Variants in SENP1 observed in about 807,000 individuals in gnomAD.
SENP1 encodes sentrin-specific protease 1.
SENP1 carries 21 observed loss-of-function variants against 93.0 expected under a neutral mutation model. That is an observed-to-expected ratio of 0.23 (90% CI 0.16 to 0.33). The LOEUF (loss-of-function observed/expected upper bound fraction) is 0.33, where lower values mean the gene tolerates loss of function less well. Ranked by LOEUF, SENP1 falls within the 10% of genes least tolerant of loss-of-function variation. SENP1 has a pLI of 1.00. For synonymous variants in SENP1, 256 were observed against 259.6 expected (o/e 0.99, Z 0.13); for missense variants, 591 against 758.7 (o/e 0.78, Z 2.60).
At chr12:48,081,431 G>C (rs1057327470) in intron 6 of SENP1, 1 of 151,746 alleles carries the variant, frequency 6.6e-6, no homozygotes, top group African/African-American at 2.4e-5. Context: ...AAATTTTTTT[G>C]TTAAAAAAAA....
intron 13 of SENP1, among the ~76,000 whole-genome samples, chr12:48,053,200 G>C (rs920058553): frequency 6.6e-6 from 1 of 152,098 alleles, no homozygotes; most frequent in South Asian, 2.1e-4. Flanking sequence ...ACAAAGCTGG[G>C]TGTGGGCTCC....
At chr12:48,067,809 A>G (rs959291513) in intron 9 of SENP1, among the ~76,000 whole-genome samples, 1 of 144,130 alleles carries the variant, frequency 6.9e-6, no homozygotes, top group African/African-American at 2.5e-5. Flanking sequence ...TCTGTCTCTT[A>G]AAAAAAAAAA....
Position 48,069,152 on chromosome 12 carries a change from CAAAAAAAAAAAAAAA to C in SENP1, c.996-2202_996-2188del, listed in dbSNP as rs10564674. ...TGGATGATAGAGCAAGACTCTGTCA[CAAAAAAAAAAAAAAA>C]AAAAAAAAAAAGAAAGAAAGAAAAG... On this transcript the variant is annotated intron_variant, in intron 9 of 17. Transcript: ENST00000549518. Among the ~76,000 whole-genome samples, 6 of 76,338 alleles carry C rather than the reference CAAAAAAAAAAAAAAA, an allele frequency of 7.9e-5. No homozygotes were observed. The East Asian group carries it at 1.8e-3, about 23-fold the overall frequency. 50.1% of individuals were successfully genotyped at this position (76,338 alleles called of 152,430 possible). A position where few individuals can be genotyped will look rare whatever the true frequency, so the allele number is the denominator to read the frequency against.
chr12:48,048,431 T>C (rs1457307216), intron 14 of SENP1, among the ~76,000 whole-genome samples: 1 of 152,206 alleles, frequency 6.6e-6, no homozygotes, highest in Admixed American at 6.5e-5. Flanking sequence ...TTCAGAAAGA[T>C]GGTGAGCAGA....
intron 1 of SENP1, among the ~76,000 whole-genome samples, chr12:48,103,079 C>T (rs116753011): frequency 1.3e-5 from 2 of 152,070 alleles, no homozygotes; most frequent in South Asian, 4.1e-4. Context: ...ATATTAGCAA[C>T]ACTTTTTTGA....
At chr12:48,048,686 G>T (rs1269897803) in intron 14 of SENP1, among the ~76,000 whole-genome samples, 1 of 152,122 alleles carries the variant, frequency 6.6e-6, no homozygotes, top group East Asian at 1.9e-4. Context: ...CTTTAAGGCT[G>T]CTTAGACACC....
chr12:48,051,434 C>T (rs532928145), intron 13 of SENP1, among the ~76,000 whole-genome samples: 1 of 152,256 alleles, frequency 6.6e-6, no homozygotes, highest in South Asian at 2.1e-4. Flanking sequence ...CCCCTAGATC[C>T]CAGTAGAAGG....
At chr12:48,092,913 A>T (rs76261711) in intron 4 of SENP1, among the ~76,000 whole-genome samples, 8,957 of 152,304 alleles carry the variant, frequency 0.059, 353 homozygotes, top group Non-Finnish European at 0.093. Context: ...ACTTAGGAGA[A>T]AAAAAGCTCT....
intron 14 of SENP1, among the ~76,000 whole-genome samples, chr12:48,048,308 T>C (rs1941530079): frequency 6.6e-6 from 1 of 152,214 alleles, no homozygotes; most frequent in South Asian, 2.1e-4. Context: ...ATTATTGCTG[T>C]GAAGCCTTTT....
intron 9 of SENP1, among the ~76,000 whole-genome samples, chr12:48,069,445 AC>A (rs1943530654): frequency 6.6e-6 from 1 of 152,066 alleles, no homozygotes; most frequent in African/African-American, 2.4e-5. Context: ...TACCCAACAG[AC>A]CATTTCTCCT....
intron 1 of SENP1, among the ~76,000 whole-genome samples, chr12:48,104,281 AGG>A (rs1946264098): frequency 1.6e-5 from 1 of 62,032 alleles, no homozygotes; most frequent in African/African-American, 5.6e-5. Context: ...GGGCGGAGGG[AGG>A]GAGAGAGAGA....
intron 13 of SENP1, among the ~76,000 whole-genome samples, chr12:48,057,281 G>C (rs373858720): frequency 6.8e-6 from 1 of 146,760 alleles, no homozygotes; most frequent in Non-Finnish European, 1.5e-5. Flanking sequence ...CCAGGTTGGA[G>C]TGCAGTGGTG....
chr12:48,080,315 G>A (rs1224440849), intron 6 of SENP1: 4 of 152,230 alleles, frequency 2.6e-5, no homozygotes, highest in African/African-American at 9.6e-5. Flanking sequence ...CTTGTGGCTA[G>A]CCGTTACCCT....
intron 16 of SENP1, 27 bp from the exon 17 acceptor site, chr12:48,046,478 A>T (rs376016811): frequency 2.8e-6 from 4 of 1,427,976 alleles, no homozygotes; most frequent in Non-Finnish European, 4.0e-6. Context: ...AAAAAAAATG[A>T]CATCTTTCCA....
intron 16 of SENP1, 124 bp from the exon 17 acceptor site, chr12:48,046,575 C>T: frequency 1.4e-6 from 1 of 717,668 alleles, no homozygotes; most frequent in Non-Finnish European, 2.4e-6. Flanking sequence ...TGACTCTGGC[C>T]CCCCAGTCAG....
rs574183996 is a variant in SENP1 at position 48,069,149 on chromosome 12, T to A, written c.996-2184A>T. Reference sequence around the variant, plus strand: ...GCCTGGATGATAGAGCAAGACTCTGTCACAAAAAAAAAAAAAAAAAAAAAA... The same window carrying A: ...GCCTGGATGATAGAGCAAGACTCTGACACAAAAAAAAAAAAAAAAAAAAAA... On this transcript the variant is annotated intron_variant, in intron 9 of 17. Coordinates refer to ENST00000549518, the MANE Select transcript of SENP1 (RefSeq NM_001267594.2). Among the ~76,000 whole-genome samples, 13 of 38,154 alleles carry A rather than the reference T, an allele frequency of 3.4e-4. No homozygotes were observed. The South Asian group carries it at 4.8e-3, about 14-fold the overall frequency. The allele number at this position is 38,154 out of a possible 152,430, so 25.0% of individuals were successfully genotyped here.
Position 48,065,174 on chromosome 12 carries a change from T to C in SENP1, c.1166A>G (p.His389Arg), listed in dbSNP as rs777583203. 2.5e-6 allele frequency: 4 copies of C among 1,610,658 alleles called. No homozygotes were observed. In the South Asian group the frequency reaches 3.3e-5, roughly 13 times the overall value. The change falls in exon 12 of 18, where the codon CAT becomes CGT. Residue 389 changes from histidine to arginine, a missense_variant. Around this residue, in one of 4 missense-constraint regions of SENP1, gnomAD observed 238 missense variants for 259.1 expected, o/e 0.92. Transcript: ENST00000549518. ...EHSVHDSVEL[H>R]LRVPLEKEIP... The stretch of plus-strand genomic sequence containing the variant: ...CTCCTTTTCAAGAGGTACACGAAGA[T>C]GTAGTTCTACTGAATCATGTACTGA...
chr12:48,074,516 T>C lies in SENP1; in HGVS notation c.748A>G (p.Thr250Ala). The C allele has an allele frequency of 1.2e-6, 2 of 1,613,932 alleles. No individual in the cohort carries two copies. Among genetic ancestry groups the C allele is most frequent in the Non-Finnish European group, 1.7e-6 (2 of 1,179,826 alleles). ...SCASQIIGSD[T>A]SSSGSASILT... is the part of the protein sequence containing the mutation. ...ATGCTGGCAGATCCAGATGATGAAG[T>C]ATCAGAGCCAATGATCTGAGATGCA... The change falls in exon 8 of 18, where the codon ACT becomes GCT. Residue 250 changes from threonine to alanine, a missense_variant. By Grantham distance (58) the Thr-to-Ala change is moderately conservative. Around this residue, in one of 4 missense-constraint regions of SENP1, gnomAD observed 238 missense variants for 259.1 expected, o/e 0.92. Coordinates refer to ENST00000549518, the MANE Select transcript of SENP1 (RefSeq NM_001267594.2).
At chr12:48,070,983 C>T (rs1943653303) in intron 9 of SENP1, among the ~76,000 whole-genome samples, 2 of 152,136 alleles carry the variant, frequency 1.3e-5, no homozygotes, top group Admixed American at 1.3e-4. Context: ...GTGGTCCCAG[C>T]TGAGGCAAGA....
Sources: allele counts gnomAD v4.1 joint callset (sites outside exome capture counted in the v4.1 genomes callset), GRCh38; gene constraint gnomAD v4.1.1; regional missense constraint gnomAD v4.1.1; transcripts MANE v1.5; gene names NCBI Gene and HGNC (gene_info 2026-07-23, HGNC 2026-07-21).